The following DNAJC11 variants were observed in gnomAD, a reference collection of about 807,000 sequenced individuals.
DNAJC11 encodes DnaJ heat shock protein family (Hsp40) member C11.
A neutral mutation model predicts 78.6 loss-of-function variants in DNAJC11; 15 were observed. The ratio of observed to expected loss-of-function variants is 0.19; its 90% confidence interval spans 0.13 to 0.29. The LOEUF (loss-of-function observed/expected upper bound fraction) is 0.29. Among genes scored for constraint, DNAJC11 ranks in the 10% least tolerant of loss-of-function variants. The probability of loss-of-function intolerance (pLI) is 1.00; values close to 1 mark genes in which losing one functional copy is unlikely to be tolerated. For missense variants in DNAJC11, 547 were observed against 709.6 expected (o/e 0.77, Z 2.60); for synonymous variants, 292 against 272.1 (o/e 1.07, Z -0.72).
At chr1:6,654,113 G>A in intron 4 of DNAJC11, 74 bp from the exon 5 acceptor site, 2 of 1,559,822 alleles carry the variant, frequency 1.3e-6, no homozygotes, top group South Asian at 1.1e-5. Flanking sequence ...CACTTCAACA[G>A]CCAGCTCGCT....
chr1:6,656,604 T>C (rs1642129742), intron 4 of DNAJC11, among the ~76,000 whole-genome samples: 1 of 151,802 alleles, frequency 6.6e-6, no homozygotes, highest in South Asian at 2.1e-4. Flanking sequence ...TTCAGCTGAG[T>C]GCTGTGGCTC....
intron 4 of DNAJC11, among the ~76,000 whole-genome samples, chr1:6,662,135 GTTTTTT>G (rs869204845): frequency 8.6e-6 from 1 of 116,114 alleles, no homozygotes; most frequent in East Asian, 2.9e-4. Flanking sequence ...TTTGTTTTTT[GTTTTTT>G]TTTTTTGTAG....
At chr1:6,659,949 G>A (rs959989681) in intron 4 of DNAJC11, among the ~76,000 whole-genome samples, 40 of 151,120 alleles carry the variant, frequency 2.6e-4, no homozygotes, top group Non-Finnish European at 4.0e-4. Flanking sequence ...CCAGCTACTC[G>A]GGAGGCTGAG....
At chr1:6,637,098 C>T in intron 14 of DNAJC11, 100 bp downstream of exon 14, 1 of 1,502,402 alleles carries the variant, frequency 6.7e-7, no homozygotes, top group Non-Finnish European at 9.1e-7. Flanking sequence ...AATCCGCCCA[C>T]CTTGGCCTTC....
intron 10 of DNAJC11, among the ~76,000 whole-genome samples, chr1:6,643,465 CG>C (rs1373296208): frequency 1.3e-5 from 2 of 151,622 alleles, no homozygotes; most frequent in Non-Finnish European, 2.9e-5. Flanking sequence ...TTAGTAGAGA[CG>C]GGGTTTCACC....
rs56145914 is a variant in DNAJC11, at chr1:6,640,071, CA to C, written c.1098-15del. 145,865 of 1,145,068 alleles carry C rather than the reference CA, an allele frequency of 0.13. 3 individuals carry two copies. The highest frequency in any genetic ancestry group is 0.15 in the East Asian group (4,390 of 29,662). 70.9% of individuals were successfully genotyped at this position (1,145,068 alleles called of 1,614,324 possible). On this transcript the variant is annotated splice_polypyrimidine_tract_variant and intron_variant, in intron 10 of 15. Transcript: ENST00000377577. ...GCCCTGTTGAGCCTGGGGAAAAATA[CA>C]AAAAAAAAAAAAAAAAAGCCAAGAT...
At chr1:6,699,726 A>C (rs1179937734) in intron 1 of DNAJC11, among the ~76,000 whole-genome samples, 1 of 152,160 alleles carries the variant, frequency 6.6e-6, no homozygotes, top group African/African-American at 2.4e-5. Context: ...CACGTTCTGC[A>C]CATGTATCCT....
intron 3 of DNAJC11, among the ~76,000 whole-genome samples, chr1:6,668,708 G>A (rs1414157925): frequency 2.6e-5 from 4 of 151,898 alleles, no homozygotes; most frequent in East Asian, 1.9e-4. Context: ...TGCTGGGATT[G>A]CAGGCACGAG....
chr1:6,681,981 G>C (rs189153259), intron 1 of DNAJC11, among the ~76,000 whole-genome samples: 22 of 152,084 alleles, frequency 1.4e-4, no homozygotes, highest in African/African-American at 4.8e-4. Context: ...GACAACTGAA[G>C]CACATTTCTG....
chr1:6,690,448 C>CA (rs974042409), intron 1 of DNAJC11, among the ~76,000 whole-genome samples: 1 of 152,168 alleles, frequency 6.6e-6, no homozygotes, highest in African/African-American at 2.4e-5. Flanking sequence ...ATTTGCCCCC[C>CA]ACAAAACCTG....
chr1:6,647,893 C>T (rs1641990466), intron 7 of DNAJC11, among the ~76,000 whole-genome samples: 1 of 152,156 alleles, frequency 6.6e-6, no homozygotes, highest in South Asian at 2.1e-4. Flanking sequence ...AATCAGTTGT[C>T]CTTCCGTTTA....
chr1:6,690,049 A>T (rs1413874017), intron 1 of DNAJC11, among the ~76,000 whole-genome samples: 2 of 152,226 alleles, frequency 1.3e-5, no homozygotes, highest in African/African-American at 4.8e-5. Context: ...AGGATCGGAA[A>T]GATCAAGTGA....
chr1:6,669,008 G>A (rs151039882), intron 3 of DNAJC11, among the ~76,000 whole-genome samples: 7,347 of 151,668 alleles, frequency 0.048, 599 homozygotes, highest in African/African-American at 0.17. Context: ...CCAACATGGC[G>A]AAACACCATC....
chr1:6,670,978 T>A (rs956639319), intron 3 of DNAJC11: 1 of 152,224 alleles, frequency 6.6e-6, no homozygotes, highest in Non-Finnish European at 1.5e-5. Flanking sequence ...TTCCATTAAG[T>A]TTGAAGATCC....
intron 4 of DNAJC11, among the ~76,000 whole-genome samples, chr1:6,664,701 A>G (rs897799556): frequency 9.9e-5 from 15 of 152,172 alleles, no homozygotes; most frequent in African/African-American, 3.4e-4. Context: ...ATCTTTCCCT[A>G]ATAAATTAAC....
chr1:6,683,379 G>A (rs1164622501), intron 1 of DNAJC11, among the ~76,000 whole-genome samples: 1 of 152,204 alleles, frequency 6.6e-6, no homozygotes. Context: ...CTCCATAAAA[G>A]GGGATGACAA....
chr1:6,634,692 T>G lies in DNAJC11; in HGVS notation c.*983A>C. ...GCATTCTGCATCCCAAGTGGGCACG[T>G]GGAGGAAGGGTCTGAAGGAAGGCTC... On this transcript the variant is annotated 3_prime_UTR_variant, in exon 16 of 16. Transcript: ENST00000377577. 7.3e-7 allele frequency: 1 copy of G among 1,365,938 alleles called. No individual in the cohort carries two copies. Among genetic ancestry groups the G allele is most frequent in the Non-Finnish European group, 9.8e-7 (1 of 1,021,696 alleles). 84.6% of individuals were successfully genotyped at this position (1,365,938 alleles called of 1,614,324 possible).
chr1:6,648,051 T>C (rs1260910055), intron 7 of DNAJC11, among the ~76,000 whole-genome samples: 4 of 152,144 alleles, frequency 2.6e-5, no homozygotes, highest in Non-Finnish European at 5.9e-5. Context: ...GGCCAAAAGA[T>C]TTTGCTTAAT....
rs982040633 is a variant in DNAJC11 at position 6,634,977 on chromosome 1, A to G, written c.*698T>C. ...GGTGGCAGGGCGTTTTCCCACCGGGATACGGGAAGCCACCTGTGTCAGGGC... is the reference window on the plus strand; with the variant it reads ...GGTGGCAGGGCGTTTTCCCACCGGGGTACGGGAAGCCACCTGTGTCAGGGC... On this transcript the variant is annotated 3_prime_UTR_variant, in exon 16 of 16. Transcript: ENST00000377577. 1.2e-6 allele frequency: 1 copy of G among 828,134 alleles called. No homozygotes were observed. The highest frequency in any genetic ancestry group is 3.8e-5 in the Admixed American group (1 of 26,448). The allele number at this position is 828,134 out of a possible 1,614,324, so 51.3% of individuals were successfully genotyped here. A position where few individuals can be genotyped will look rare whatever the true frequency, so the allele number is the denominator to read the frequency against.
Sources: gnomAD v4.1 joint callset for allele counts (sites outside exome capture counted in the v4.1 genomes callset) on GRCh38, gnomAD v4.1.1 for gene constraint, MANE v1.5 for transcripts, NCBI Gene and HGNC (gene_info 2026-07-23, HGNC 2026-07-21) for gene names.